The following SCFD2 variants were observed in gnomAD, a reference collection of about 807,000 sequenced individuals.
The protein encoded by SCFD2 is sec1 family domain containing 2.
In SCFD2, 54 loss-of-function variants were observed where a neutral mutation model predicts 58.9. The ratio of observed to expected loss-of-function variants is 0.92; its 90% CI spans 0.74 to 1.15. The LOEUF (loss-of-function observed/expected upper bound fraction) is 1.15, where lower values mean the gene tolerates loss of function less well. SCFD2 is among the 50% of genes most tolerant of loss of function. The pLI, the probability that SCFD2 is intolerant of heterozygous loss-of-function variation, is 0.00. For synonymous variants in SCFD2, 321 were observed against 335.9 expected (o/e 0.96, Z 0.49); for missense variants, 805 against 836.6 (o/e 0.96, Z 0.47).
chr4:53,284,882 C>G (rs1394045451), intron 3 of SCFD2, among the ~76,000 whole-genome samples: 1 of 152,172 alleles, frequency 6.6e-6, no homozygotes, highest in Non-Finnish European at 1.5e-5. Flanking sequence ...AATTGATGTC[C>G]ATTTTCATAG....
intron 4 of SCFD2, among the ~76,000 whole-genome samples, chr4:53,268,023 G>A (rs1310499748): frequency 7.2e-5 from 11 of 152,156 alleles, no homozygotes; most frequent in Non-Finnish European, 8.8e-5. Context: ...GACATGTGAT[G>A]TAGACAGCAG....
chr4:53,308,335 G>A (rs1012041630), intron 3 of SCFD2, among the ~76,000 whole-genome samples: 2 of 152,138 alleles, frequency 1.3e-5, no homozygotes, highest in Admixed American at 6.5e-5. Flanking sequence ...ATCAGTATAT[G>A]TCTCTTATGA....
chr4:53,227,253 T>C (rs1437575391), intron 4 of SCFD2, among the ~76,000 whole-genome samples: 1 of 152,142 alleles, frequency 6.6e-6, no homozygotes, highest in Admixed American at 6.5e-5. Flanking sequence ...TTAAGTATAA[T>C]GTGAGAAAAG....
chr4:52,979,070 G>C (rs973130562), intron 5 of SCFD2, among the ~76,000 whole-genome samples: 1 of 150,694 alleles, frequency 6.6e-6, no homozygotes, highest in Admixed American at 6.6e-5. Flanking sequence ...TTTTTTGGGG[G>C]GGGGAGTAGT....
intron 5 of SCFD2, among the ~76,000 whole-genome samples, chr4:53,053,544 A>G (rs1174327801): frequency 1.3e-5 from 2 of 152,156 alleles, no homozygotes; most frequent in African/African-American, 2.4e-5. Context: ...TCTACTCCCC[A>G]ATCAGATGCC....
intron 6 of SCFD2, 117 bp from the exon 7 acceptor site, chr4:52,907,708 ATG>A (rs10557430): frequency 0.14 from 89,115 of 648,346 alleles, 226 homozygotes; most frequent in East Asian, 0.2. Context: ...CAATGCCTAT[ATG>A]TGTGTGTGTG....
chr4:53,286,244 C>T (rs1268203577), intron 3 of SCFD2, among the ~76,000 whole-genome samples: 2 of 152,150 alleles, frequency 1.3e-5, no homozygotes, highest in East Asian at 3.9e-4. Flanking sequence ...AATACCTGCA[C>T]TCCTGGCACC....
intron 2 of SCFD2, among the ~76,000 whole-genome samples, chr4:53,335,547 A>T (rs1733657677): frequency 6.6e-6 from 1 of 152,172 alleles, no homozygotes. Context: ...TGTATCTGTT[A>T]ATTTTTTATT....
chr4:53,115,936 C>T (rs1476108667), intron 5 of SCFD2, among the ~76,000 whole-genome samples: 1 of 152,096 alleles, frequency 6.6e-6, no homozygotes, highest in Non-Finnish European at 1.5e-5. Context: ...CTCCATTTTT[C>T]TGATATCACT....
At chr4:53,094,894 T>G (rs913897011) in intron 5 of SCFD2, among the ~76,000 whole-genome samples, 1 of 152,130 alleles carries the variant, frequency 6.6e-6, no homozygotes, top group Non-Finnish European at 1.5e-5. Context: ...AAGCTGCTAT[T>G]GCTTTTGTCA....
intron 5 of SCFD2, among the ~76,000 whole-genome samples, chr4:53,034,541 T>C (rs1187659102): frequency 2.0e-5 from 3 of 152,214 alleles, no homozygotes; most frequent in African/African-American, 4.8e-5. Context: ...ATTGTCTCTG[T>C]TTGCAGATGA....
chr4:53,263,407 G>A (rs1020147511), intron 4 of SCFD2, among the ~76,000 whole-genome samples: 19 of 152,134 alleles, frequency 1.2e-4, no homozygotes, highest in African/African-American at 4.6e-4. Flanking sequence ...GGGACTCGGG[G>A]CTGCTGTTCA....
chr4:53,343,976 AC>A, intron 2 of SCFD2, among the ~76,000 whole-genome samples: 1 of 152,302 alleles, frequency 6.6e-6, no homozygotes, highest in South Asian at 2.1e-4. Context: ...TCTATGACAA[AC>A]CCACAGCCAA....
chr4:53,171,659 A>G (rs1202446808), intron 4 of SCFD2, among the ~76,000 whole-genome samples: 2 of 152,124 alleles, frequency 1.3e-5, no homozygotes, highest in African/African-American at 4.8e-5. Context: ...GAGAGATTTT[A>G]TTATTGATTC....
chr4:53,180,531 T>C (rs965277967), intron 4 of SCFD2, among the ~76,000 whole-genome samples: 1 of 151,970 alleles, frequency 6.6e-6, no homozygotes, highest in Non-Finnish European at 1.5e-5. Context: ...TAGCACTAAA[T>C]GCCCACAAGA....
chr4:53,237,266 G>A (rs1469666839), intron 4 of SCFD2, among the ~76,000 whole-genome samples: 3 of 149,774 alleles, frequency 2.0e-5, no homozygotes, highest in Non-Finnish European at 3.0e-5. Flanking sequence ...GCAACCATCC[G>A]ATTTCTCAAT....
In SCFD2 at chr4:53,237,747, C is replaced by T. The variant is rs796755442; in HGVS notation, c.1311+36079G>A. Among the ~76,000 whole-genome samples, 80 of 81,786 alleles carry T rather than the reference C, an allele frequency of 9.8e-4. 1 individual carries two copies. In the South Asian group the frequency reaches 0.028, roughly 28 times the overall value. 53.7% of individuals were successfully genotyped at this position (81,786 alleles called of 152,430 possible). A position where few individuals can be genotyped will look rare whatever the true frequency, so the allele number is the denominator to read the frequency against. ...GCAGAGGCGCCCCTCACCTCCCGGA[C>T]GGGGCGGCTGGCCGGGCGGGGGGCT... On this transcript the variant is annotated intron_variant, in intron 4 of 8. Transcript: ENST00000401642.
intron 7 of SCFD2, among the ~76,000 whole-genome samples, chr4:52,886,331 A>G (rs1182850478): frequency 2.0e-5 from 3 of 152,056 alleles, no homozygotes; most frequent in Non-Finnish European, 4.4e-5. Context: ...CGGTTGGGGG[A>G]CCACCCTTGC....
intron 5 of SCFD2, among the ~76,000 whole-genome samples, chr4:52,988,866 CA>C (rs1409323126): frequency 6.6e-6 from 1 of 152,164 alleles, no homozygotes; most frequent in Non-Finnish European, 1.5e-5. Flanking sequence ...TTGATGAATA[CA>C]ATGATATTAA....
Sources: allele counts gnomAD v4.1 joint callset (sites outside exome capture counted in the v4.1 genomes callset), GRCh38; gene constraint gnomAD v4.1.1; transcripts MANE v1.5; gene names NCBI Gene and HGNC (gene_info 2026-07-23, HGNC 2026-07-21).